Variants in WSB1 observed in about 807,000 individuals in gnomAD.
WSB1 encodes the protein WD repeat and SOCS box containing 1.
Under a neutral mutation model 50.2 loss-of-function variants are expected in WSB1, and 23 were observed. That is an observed-to-expected ratio of 0.46 (90% confidence interval 0.33 to 0.65). The LOEUF (loss-of-function observed/expected upper bound fraction) is 0.65. WSB1 is among the 30% of genes least tolerant of loss of function. WSB1 has a pLI of 0.02. For synonymous variants in WSB1, 179 were observed against 172.0 expected (o/e 1.04, Z -0.32); for missense variants, 492 against 522.3 (o/e 0.94, Z 0.56).
At chr17:27,298,613 G>A (rs2017090494) in intron 1 of WSB1, among the ~76,000 whole-genome samples, 2 of 152,040 alleles carry the variant, frequency 1.3e-5, no homozygotes, top group Non-Finnish European at 2.9e-5. Context: ...AGCACTTTGG[G>A]AGGCCGAGGC....
At chr17:27,310,261 A>G in intron 7 of WSB1, 87 bp downstream of exon 7, 1 of 1,203,492 alleles carries the variant, frequency 8.3e-7, no homozygotes, top group Non-Finnish European at 1.2e-6. Flanking sequence ...AAGAGTTTTA[A>G]TGTCTCTTCC....
intron 1 of WSB1, among the ~76,000 whole-genome samples, chr17:27,299,041 A>G (rs529514967): frequency 6.6e-6 from 1 of 152,348 alleles, no homozygotes; most frequent in Non-Finnish European, 1.5e-5. Context: ...TGTCTAAAAA[A>G]TTAAGCAGGC....
At chr17:27,309,711 T>TA (rs1275813712) in intron 6 of WSB1, among the ~76,000 whole-genome samples, 1 of 152,004 alleles carries the variant, frequency 6.6e-6, no homozygotes, top group African/African-American at 2.4e-5. Context: ...GCCTCCTGAG[T>TA]AGCTGGGCTT....
intron 2 of WSB1, chr17:27,302,684 C>G (rs182270780): frequency 6.6e-6 from 1 of 152,464 alleles, no homozygotes; most frequent in Non-Finnish European, 1.5e-5. Context: ...CTCAGCCTCC[C>G]TAAGTGCTGG....
chr17:27,306,701 CCTTTG>C lies in WSB1; in HGVS notation c.611-76_611-72del, dbSNP rs2017475131. On this transcript the variant is annotated intron_variant, in intron 4 of 8. Transcript: ENST00000262394. ...GCTTTCAGCTATAAATGTTTGTGAT[CCTTTG>C]CTTTACTGCTGTTTTGAAATACTGC... The C allele has an allele frequency of 3.7e-6, 5 of 1,365,916 alleles. No homozygotes were observed. In the Admixed American group the frequency reaches 5.9e-5, roughly 16 times the overall value. 84.6% of individuals were successfully genotyped at this position (1,365,916 alleles called of 1,614,324 possible). A position where few individuals can be genotyped will look rare whatever the true frequency, so the allele number is the denominator to read the frequency against.
chr17:27,311,142 A>G (rs2017662834), intron 7 of WSB1, among the ~76,000 whole-genome samples: 1 of 152,200 alleles, frequency 6.6e-6, no homozygotes, highest in South Asian at 2.1e-4. Flanking sequence ...GTGAGCTACC[A>G]GGCCCACCTA....
chr17:27,312,287 T>C lies in WSB1; in HGVS notation c.1184T>C (p.Ile395Thr). ...CTGCAACATTTATGTCGCATGTCAATCCGAAGAGTGATGCCCACCCAAGAA... is the reference window on the plus strand; with the variant it reads ...CTGCAACATTTATGTCGCATGTCAACCCGAAGAGTGATGCCCACCCAAGAA... ...PSLQHLCRMS[I>T]RRVMPTQEVQ... Residue 395 changes from isoleucine to threonine, a missense_variant, in exon 9 of 9, where the codon ATC (isoleucine) becomes ACC (threonine). Coordinates refer to ENST00000262394, the MANE Select transcript of WSB1 (RefSeq NM_015626.10). The C allele has an allele frequency of 6.2e-7, 1 of 1,614,144 alleles. No homozygotes were observed. The highest frequency in any genetic ancestry group is 2.2e-5 in the East Asian group (1 of 44,876).
At chr17:27,300,770 G>C (rs2017194569) in intron 1 of WSB1, among the ~76,000 whole-genome samples, 1 of 150,764 alleles carries the variant, frequency 6.6e-6, no homozygotes, top group Admixed American at 6.6e-5. Context: ...GCTCACTGCA[G>C]TCTCCACCTC....
chr17:27,304,605 C>T (rs919025073), intron 3 of WSB1, among the ~76,000 whole-genome samples, 175 bp from the exon 4 acceptor site: 10 of 142,880 alleles, frequency 7.0e-5, no homozygotes, highest in Admixed American at 1.4e-4. Flanking sequence ...CCAACTATTT[C>T]GGAGGCTGAG....
At chr17:27,297,019 A>G (rs2150826710) in intron 1 of WSB1, among the ~76,000 whole-genome samples, 1 of 152,322 alleles carries the variant, frequency 6.6e-6, no homozygotes, top group African/African-American at 2.4e-5. Context: ...ATTTTAACAG[A>G]TTAATGCATT....
In WSB1 at chr17:27,301,974, C is replaced by T. The variant is rs371736375; in HGVS notation, c.209+18C>T. The T allele has an allele frequency of 8.5e-6, 13 of 1,527,774 alleles. No individual in the cohort carries two copies. The African/African-American group carries it at 1.8e-4, about 22-fold the overall frequency. 94.6% of individuals were successfully genotyped at this position (1,527,774 alleles called of 1,614,324 possible). On this transcript the variant is annotated intron_variant, in intron 2 of 8. Coordinates refer to ENST00000262394, the MANE Select transcript of WSB1 (RefSeq NM_015626.10). ...CAGAACTTGTAAGACTGTTACTTTTCTGTATTTTGTATCTGTTTGTGGAAT... is the reference window on the plus strand; with the variant it reads ...CAGAACTTGTAAGACTGTTACTTTTTTGTATTTTGTATCTGTTTGTGGAAT...
intron 1 of WSB1, among the ~76,000 whole-genome samples, chr17:27,298,315 T>C (rs2017075286): frequency 6.6e-6 from 1 of 152,136 alleles, no homozygotes; most frequent in Non-Finnish European, 1.5e-5. Flanking sequence ...AAAACTTGCT[T>C]CCCTTATTTG....
At chr17:27,306,282 C>T (rs143452166) in intron 4 of WSB1, among the ~76,000 whole-genome samples, 3,284 of 144,684 alleles carry the variant, frequency 0.023, 79 homozygotes, top group African/African-American at 0.057. Context: ...GCGTGATCTC[C>T]GCTCACTGCA....
chr17:27,309,053 C>T (rs751533375), intron 5 of WSB1, 47 bp from the exon 6 acceptor site: 1 of 1,503,766 alleles, frequency 6.6e-7, no homozygotes, highest in South Asian at 1.4e-5. Flanking sequence ...GCCATTTTGT[C>T]CTCTGTATGT....
chr17:27,304,178 T>C (rs2017349107), intron 3 of WSB1, among the ~76,000 whole-genome samples: 1 of 152,154 alleles, frequency 6.6e-6, no homozygotes, highest in South Asian at 2.1e-4. Flanking sequence ...AAAGAACATG[T>C]ACATTAGAAC....
In WSB1 at chr17:27,308,294, G is replaced by T. The variant is rs1050350450; in HGVS notation, c.712-806G>T. The T allele has an allele frequency of 1.2e-5, 12 of 985,570 alleles. No homozygotes were observed. The Admixed American group carries it at 6.8e-4, about 56-fold the overall frequency. 61.1% of individuals were successfully genotyped at this position (985,570 alleles called of 1,614,324 possible). On this transcript the variant is annotated intron_variant, in intron 5 of 8. Transcript: ENST00000262394. ...CTCCAAGCTCACATTTAATATAACAGACTGAAGTAAACATTAGAATCCTGT... is the reference window on the plus strand; with the variant it reads ...CTCCAAGCTCACATTTAATATAACATACTGAAGTAAACATTAGAATCCTGT...
intron 5 of WSB1, chr17:27,308,877 T>C: frequency 8.6e-7 from 1 of 1,158,726 alleles, no homozygotes; most frequent in Non-Finnish European, 1.1e-6. Flanking sequence ...TATTTTTAAA[T>C]TAACATTTAA....
At chr17:27,303,798 A>C in intron 3 of WSB1, 163 bp downstream of exon 3, 108 of 824,338 alleles carry the variant, frequency 1.3e-4, no homozygotes, top group East Asian at 1.6e-4. Context: ...TCTTCAGCTC[A>C]TGATTTTAAT....
Position 27,294,419 on chromosome 17 carries a change from C to G in WSB1, c.24C>G (p.Val8=). Residue 8 remains valine (V), a synonymous_variant, in exon 1 of 9, where the codon GTC becomes GTG. Transcript: ENST00000262394. The stretch of plus-strand genomic sequence containing the variant: ...AGATGGCCAGCTTTCCCCCGAGGGT[C>G]AACGAGAAAGAGATCGGTGAGGATT... The part of the protein sequence containing the change: MASFPPR[V]NEKEIVRLRT... The G allele has an allele frequency of 6.2e-7, 1 of 1,613,804 alleles. No homozygotes were observed. Among genetic ancestry groups the G allele is most frequent in the East Asian group, 2.2e-5 (1 of 44,856 alleles).
Sources: allele counts gnomAD v4.1 joint callset (sites outside exome capture counted in the v4.1 genomes callset), GRCh38; gene constraint gnomAD v4.1.1; transcripts MANE v1.5; gene names NCBI Gene and HGNC (gene_info 2026-07-23, HGNC 2026-07-21).